Variants in BID observed in about 807,000 individuals in gnomAD.
BID encodes BH3 interacting domain death agonist.
Under a neutral mutation model 17.4 loss-of-function variants are expected in BID, and 19 were observed. The ratio of observed to expected loss-of-function variants is 1.09; its 90% CI spans 0.76 to 1.60. BID has a LOEUF of 1.60. BID is among the 40% of genes most tolerant of loss of function. The pLI, the probability that BID is intolerant of heterozygous loss-of-function variation, is 0.00. For synonymous variants in BID, 108 were observed against 102.8 expected (o/e 1.05, Z -0.31); for missense variants, 226 against 256.0 (o/e 0.88, Z 0.80).
chr22:17,774,046 C>A, intron 1 of BID: 2 of 366,134 alleles, frequency 5.5e-6, no homozygotes, highest in South Asian at 5.4e-5. Context: ...GCCCCTCCCC[C>A]TCCCCGCGCC....
At chr22:17,760,603 AACC>A (rs1569050409) in intron 1 of BID, among the ~76,000 whole-genome samples, 1 of 152,288 alleles carries the variant, frequency 6.6e-6, no homozygotes, top group South Asian at 2.1e-4. Context: ...ATTCCAAGCA[AACC>A]ACCACAATTC....
At chr22:17,742,851 G>A (rs183642727) in intron 3 of BID, among the ~76,000 whole-genome samples, 92 of 152,272 alleles carry the variant, frequency 6.0e-4, no homozygotes, top group African/African-American at 2.1e-3. Context: ...GCCTCCACTC[G>A]CCCCCAGCCT....
chr22:17,759,257 A>AACAAAAAAAAAAC (rs2061618609), intron 1 of BID, among the ~76,000 whole-genome samples: 2 of 149,916 alleles, frequency 1.3e-5, no homozygotes, highest in Non-Finnish European at 3.0e-5. Context: ...AAAAAAAAAA[A>AACAAAAAAAAAAC]AACAAAAGAA....
chr22:17,755,074 TTTC>T (rs2061571743), intron 1 of BID, among the ~76,000 whole-genome samples: 1 of 139,790 alleles, frequency 7.2e-6, no homozygotes, highest in Non-Finnish European at 1.5e-5. Context: ...AATTTCTTTT[TTTC>T]TTTTCTTTTT....
At chr22:17,740,432 CTT>C (rs34005803) in intron 3 of BID, 15,756 of 288,610 alleles carry the variant, frequency 0.055, no homozygotes, top group East Asian at 0.11. Context: ...CTACAAGAAA[CTT>C]TTTTTTTTTT....
intron 1 of BID, among the ~76,000 whole-genome samples, chr22:17,766,282 CT>C (rs71201884): frequency 0.095 from 12,834 of 134,992 alleles, 567 homozygotes; most frequent in Non-Finnish European, 0.12. Context: ...TTCTTTCTTT[CT>C]TTTTTTTTTT....
At chr22:17,741,890 CA>C (rs1323660255) in intron 3 of BID, among the ~76,000 whole-genome samples, 8 of 152,216 alleles carry the variant, frequency 5.3e-5, no homozygotes, top group African/African-American at 1.7e-4. Context: ...ATTGGAGCTG[CA>C]GCCCCAAAGT....
At chr22:17,744,570 A>G (rs1433128125) in intron 2 of BID, among the ~76,000 whole-genome samples, 2 of 152,174 alleles carry the variant, frequency 1.3e-5, no homozygotes, top group Non-Finnish European at 2.9e-5. Flanking sequence ...GCCTTTGGCC[A>G]AGCTTGGTTT....
chr22:17,740,230 A>G (rs1342143997), intron 3 of BID: 1 of 1,489,736 alleles, frequency 6.7e-7, no homozygotes, highest in Non-Finnish European at 9.2e-7. Context: ...TGTTTTGTCC[A>G]CTGACAAATA....
chr22:17,769,095 A>G lies in BID; in HGVS notation c.-59+5286T>C, dbSNP rs2061700645. ...TAAATAATAACTAAATAAATAAAGA[A>G]CAAGGCTTTCACCACATCCCAGGCA... On this transcript the variant is annotated intron_variant, in intron 1 of 5. Transcript: ENST00000622694. The surrounding 1 kb of genome is among the most constrained non-coding windows in gnomAD (Gnocchi z 4.8). Among the ~76,000 whole-genome samples, 1 of 152,190 alleles carries G rather than the reference A, an allele frequency of 6.6e-6. No individual in the cohort carries two copies. Among genetic ancestry groups the G allele is most frequent in the Non-Finnish European group, 1.5e-5 (1 of 68,024 alleles).
intron 3 of BID, 92 bp from the exon 4 acceptor site, chr22:17,739,580 G>A (rs2061443943): frequency 1.3e-6 from 2 of 1,497,968 alleles, no homozygotes; most frequent in Non-Finnish European, 1.8e-6. Flanking sequence ...GAAAGGACAG[G>A]TCCGCGATGG....
Position 17,774,436 on chromosome 22 carries a change from C to T in BID, c.-114G>A. ...CCGGGCCGAGGCAGCGTCTCCCAGG[C>T]GCGCGGACACGGTCGACTACCCGCT... On this transcript the variant is annotated 5_prime_UTR_variant, in exon 1 of 6. Transcript: ENST00000622694. 3.4e-6 allele frequency: 1 copy of T among 289,994 alleles called. No homozygotes were observed. Among genetic ancestry groups the T allele is most frequent in the Non-Finnish European group, 7.4e-6 (1 of 135,764 alleles). The allele number at this position is 289,994 out of a possible 1,614,324, so 18.0% of individuals were successfully genotyped here. A position where few individuals can be genotyped will look rare whatever the true frequency, so the allele number is the denominator to read the frequency against.
rs941150983 is a variant in BID at position 17,769,064 on chromosome 22, A to C, written c.-59+5317T>G. On this transcript the variant is annotated intron_variant, in intron 1 of 5. Coordinates refer to ENST00000622694, the MANE Select transcript of BID (RefSeq NM_001196.4). This position sits in a 1 kb window ranked among gnomAD's most constrained non-coding sequence, Gnocchi z 4.8. ...TCAAAAATAAATAAATAAATAAATA[A>C]ATAAATAAATAATAACTAAATAAAT... Among the ~76,000 whole-genome samples, 2 of 151,720 alleles carry C rather than the reference A, an allele frequency of 1.3e-5. No individual in the cohort carries two copies. The highest frequency in any genetic ancestry group is 4.8e-5 in the African/African-American group (2 of 41,376).
At chr22:17,737,428 C>A (rs1466413217) in intron 5 of BID, among the ~76,000 whole-genome samples, 2 of 152,084 alleles carry the variant, frequency 1.3e-5, no homozygotes, top group African/African-American at 4.8e-5. Flanking sequence ...TTCACTGCAA[C>A]CTCTGCCTCC....
intron 5 of BID, among the ~76,000 whole-genome samples, chr22:17,736,074 A>C (rs1370162405): frequency 2.0e-5 from 3 of 152,206 alleles, no homozygotes; most frequent in Non-Finnish European, 4.4e-5. Context: ...ACAGCATATA[A>C]GGAATGTTTT....
intron 1 of BID, among the ~76,000 whole-genome samples, chr22:17,768,201 G>C (rs2061692392): frequency 6.6e-6 from 1 of 152,228 alleles, no homozygotes; most frequent in South Asian, 2.1e-4. Flanking sequence ...CGCACACCGT[G>C]TATATACTAA....
chr22:17,762,114 G>A (rs932533474), intron 1 of BID, among the ~76,000 whole-genome samples: 17 of 152,068 alleles, frequency 1.1e-4, no homozygotes, highest in African/African-American at 3.9e-4. Flanking sequence ...CGAGAATCCA[G>A]GTATCCTCTA....
chr22:17,772,542 G>A (rs185797628), intron 1 of BID, among the ~76,000 whole-genome samples: 6 of 152,300 alleles, frequency 3.9e-5, no homozygotes, highest in East Asian at 1.9e-4. Context: ...CGGTCACGTC[G>A]AGGACCTGCT....
Position 17,739,783 on chromosome 22 carries a change from A to C in BID, c.224-295T>G, listed in dbSNP as rs1296154794. ...AGCTGGGGCATCACGACCACGCCTG[A>C]GGTACAAGCCTGGCAGCGGCTTCAT... On this transcript the variant is annotated intron_variant, in intron 3 of 5. Transcript: ENST00000622694. 1.2e-5 allele frequency: 7 copies of C among 579,944 alleles called. No individual in the cohort carries two copies. The African/African-American group carries it at 1.3e-4, about 11-fold the overall frequency. The allele number at this position is 579,944 out of a possible 1,614,324, so 35.9% of individuals were successfully genotyped here.
Sources: allele counts gnomAD v4.1 joint callset (sites outside exome capture counted in the v4.1 genomes callset), GRCh38; gene constraint gnomAD v4.1.1; non-coding constraint Gnocchi (gnomAD v3.1); transcripts MANE v1.5; gene names NCBI Gene and HGNC (gene_info 2026-07-23, HGNC 2026-07-21).